Variants in TET3 observed in about 807,000 individuals in gnomAD.
The protein encoded by TET3 is methylcytosine dioxygenase TET3.
Under a neutral mutation model 141.4 loss-of-function variants are expected in TET3, and 19 were observed. That is an observed-to-expected ratio of 0.13 (90% CI 0.09 to 0.20). The LOEUF (loss-of-function observed/expected upper bound fraction) is 0.20. TET3 is among the 10% of genes least tolerant of loss of function. The pLI, the probability that TET3 is intolerant of heterozygous loss-of-function variation, is 1.00. For synonymous variants in TET3, 1,043 were observed against 980.9 expected, an observed-to-expected ratio of 1.06 and a Z score of -1.18; for missense variants, 1,874 against 2,356.9, an observed-to-expected ratio of 0.80 and a Z score of 4.24.
intron 4 of TET3, among the ~76,000 whole-genome samples, chr2:74,057,494 A>G (rs768854026): frequency 2.0e-5 from 3 of 152,260 alleles, no homozygotes; most frequent in African/African-American, 7.2e-5. Flanking sequence ...TTTTAAGGAA[A>G]GAATTTGAGC....
chr2:74,120,456 A>G, the TET3 span, among the ~76,000 whole-genome samples: 1 of 152,192 alleles, frequency 6.6e-6, no homozygotes, highest in Admixed American at 6.5e-5. Context: ...CCCGGGGGGA[A>G]CGTGTGCCTG....
At chr2:74,121,189 CAGA>C in the TET3 span, 3 of 152,136 alleles carry the variant, frequency 2.0e-5, no homozygotes, top group Non-Finnish European at 2.9e-5. Flanking sequence ...TCACCAATGG[CAGA>C]AGACGGCAGA....
In TET3 at chr2:74,038,500, G is replaced by A. The variant is rs1281394035; in HGVS notation, c.361-7778G>A. Among the ~76,000 whole-genome samples the A allele has an allele frequency of 2.6e-5, 4 of 152,194 alleles. 1 individual carries two copies. The highest frequency in any genetic ancestry group is 2.0e-4 in the Admixed American group (3 of 15,282). On this transcript the variant is annotated intron_variant, in intron 3 of 11. Coordinates refer to ENST00000409262, the MANE Select transcript of TET3 (RefSeq NM_001287491.2). ...AGGGAAAAGGGGTTTGCACCTGGAA[G>A]TTGGCAGTAAGATGTGCAGCACTAG...
chr2:74,060,971 C>T (rs575593718), intron 4 of TET3, among the ~76,000 whole-genome samples: 2 of 152,184 alleles, frequency 1.3e-5, no homozygotes, highest in African/African-American at 4.8e-5. Context: ...ACCTTTCCCC[C>T]CTTTCTATTC....
Position 73,986,373 on chromosome 2 carries a change from C to G in TET3, c.-31C>G. The G allele has an allele frequency of 8.1e-7, 1 of 1,232,176 alleles. No individual in the cohort carries two copies. The highest frequency in any genetic ancestry group is 1.0e-6 in the Non-Finnish European group (1 of 988,130). The allele number at this position is 1,232,176 out of a possible 1,614,324, so 76.3% of individuals were successfully genotyped here. ...GCAGGAAACGACTGTGGTTCTGCCC[C>G]AGCACCTATGACCCCACCTCTGGCA... On this transcript the variant is annotated 5_prime_UTR_variant, in exon 2 of 12. Coordinates refer to ENST00000409262, the MANE Select transcript of TET3 (RefSeq NM_001287491.2).
intron 3 of TET3, among the ~76,000 whole-genome samples, chr2:74,021,671 G>T (rs73948287): frequency 2.6e-5 from 4 of 152,170 alleles, no homozygotes; most frequent in East Asian, 1.9e-4. Context: ...CCATGGTCAG[G>T]CAGCGTTGAT....
chr2:74,004,532 TGGGGAAG>T (rs1451344427), intron 3 of TET3, among the ~76,000 whole-genome samples: 2 of 152,086 alleles, frequency 1.3e-5, no homozygotes, highest in African/African-American at 4.8e-5. Flanking sequence ...AGTAAGTGCT[TGGGGAAG>T]GGTGTGAATT....
chr2:74,075,592 G>A (rs1477314289), intron 5 of TET3, among the ~76,000 whole-genome samples: 1 of 152,136 alleles, frequency 6.6e-6, no homozygotes, highest in Non-Finnish European at 1.5e-5. Context: ...GCCTCCCAAA[G>A]TGCTGGAATT....
At chr2:74,082,843 C>T (rs371378977) in intron 6 of TET3, among the ~76,000 whole-genome samples, 8 of 152,132 alleles carry the variant, frequency 5.3e-5, no homozygotes, top group African/African-American at 1.2e-4. Context: ...CTTAGAAGGA[C>T]GGATTATTCT....
chr2:74,020,864 C>T (rs532133624), intron 3 of TET3, among the ~76,000 whole-genome samples: 8 of 152,276 alleles, frequency 5.3e-5, no homozygotes, highest in Non-Finnish European at 5.9e-5. Flanking sequence ...CAGCGTGTCC[C>T]GGGGTTTCCC....
rs367820858 is a variant in TET3 at position 74,076,475 on chromosome 2, A to C, written c.2585+2836A>C. 1.6e-4 allele frequency among the ~76,000 whole-genome samples: 10 copies of C among 63,432 alleles called. No homozygotes were observed. In the Admixed American group the frequency reaches 1.9e-3, roughly 12 times the overall value. The allele number at this position is 63,432 out of a possible 152,430, so 41.6% of individuals were successfully genotyped here. The stretch of plus-strand genomic sequence containing the variant: ...TTTTTTTTTTTTTTTTTTTTTGTCT[A>C]TTTTATTTTGTTTTGTTTTTGACAT... On this transcript the variant is annotated intron_variant, in intron 5 of 11. Coordinates refer to ENST00000409262, the MANE Select transcript of TET3 (RefSeq NM_001287491.2).
At chr2:74,099,167 G>A in intron 10 of TET3, 109 bp from the exon 11 acceptor site, 2 of 999,244 alleles carry the variant, frequency 2.0e-6, no homozygotes, top group Non-Finnish European at 2.9e-6. Flanking sequence ...GGCTGGTATT[G>A]GGATTGTGTG....
chr2:73,997,876 G>A (rs1030333129), intron 2 of TET3, among the ~76,000 whole-genome samples: 18 of 152,206 alleles, frequency 1.2e-4, no homozygotes, highest in Non-Finnish European at 2.5e-4. Context: ...CATTCTGATA[G>A]GGCTAAAAGG....
chr2:74,116,119 A>G, the TET3 span, among the ~76,000 whole-genome samples: 2 of 152,130 alleles, frequency 1.3e-5, no homozygotes, highest in Non-Finnish European at 1.5e-5. Context: ...AAAATGCCCA[A>G]CATCACTAAT....
chr2:74,050,555 C>CT (rs1558748879), intron 4 of TET3, among the ~76,000 whole-genome samples: 1 of 152,062 alleles, frequency 6.6e-6, no homozygotes. Context: ...TTGCGGTTTC[C>CT]TTTTTTTATT....
intron 4 of TET3, among the ~76,000 whole-genome samples, chr2:74,049,015 G>A (rs1036438299): frequency 6.6e-6 from 1 of 152,184 alleles, no homozygotes; most frequent in Non-Finnish European, 1.5e-5. Context: ...AAGACTTCTG[G>A]CTTATGGTGG....
At chr2:74,010,478 A>G (rs527877127) in intron 3 of TET3, among the ~76,000 whole-genome samples, 1 of 152,348 alleles carries the variant, frequency 6.6e-6, no homozygotes, top group South Asian at 2.1e-4. Context: ...GAGTGTTTCC[A>G]GGGACTGGTC....
intron 2 of TET3, among the ~76,000 whole-genome samples, chr2:73,990,376 A>T (rs1338395971): frequency 6.6e-6 from 1 of 152,182 alleles, no homozygotes; most frequent in African/African-American, 2.4e-5. Context: ...TTAAGCGTTT[A>T]TCTCAAGGCA....
At chr2:73,985,390 A>G (rs1180087190) in intron 1 of TET3, among the ~76,000 whole-genome samples, 2 of 142,868 alleles carry the variant, frequency 1.4e-5, no homozygotes, top group Non-Finnish European at 1.5e-5. Flanking sequence ...CGGAGGCCCC[A>G]GAACAAAGGA....
Sources: allele counts gnomAD v4.1 joint callset (sites outside exome capture counted in the v4.1 genomes callset), GRCh38; gene constraint gnomAD v4.1.1; transcripts MANE v1.5; gene names NCBI Gene and HGNC (gene_info 2026-07-23, HGNC 2026-07-21).